The following ARHGAP15 variants were observed in gnomAD, a reference collection of about 807,000 sequenced individuals.
ARHGAP15 encodes the protein rho GTPase-activating protein 15.
A neutral mutation model predicts 63.7 loss-of-function variants in ARHGAP15; 51 were observed. That is an observed-to-expected ratio of 0.80 (90% CI 0.64 to 1.01). The LOEUF (loss-of-function observed/expected upper bound fraction) is 1.01, where lower values mean the gene tolerates loss of function less well. ARHGAP15 is among the 50% of genes least tolerant of loss of function. The probability of loss-of-function intolerance (pLI) is 0.00; values close to 1 mark genes in which losing one functional copy is unlikely to be tolerated. For missense variants in ARHGAP15, 560 were observed against 564.6 expected, an observed-to-expected ratio of 0.99 and a Z score of 0.08; for synonymous variants, 191 against 193.8, an observed-to-expected ratio of 0.99 and a Z score of 0.12.
intron 12 of ARHGAP15, among the ~76,000 whole-genome samples, chr2:143,656,424 G>A (rs1681436793): frequency 6.6e-6 from 1 of 152,156 alleles, no homozygotes; most frequent in African/African-American, 2.4e-5. Flanking sequence ...AATTACTTGT[G>A]CAAAAGTAGA....
At chr2:143,646,428 T>C (rs1680882448) in intron 12 of ARHGAP15, among the ~76,000 whole-genome samples, 4 of 152,092 alleles carry the variant, frequency 2.6e-5, no homozygotes, top group Non-Finnish European at 5.9e-5. Context: ...ACAGACTGTC[T>C]GACGCCTTTA....
chr2:143,716,382 G>T (rs1366698330), intron 13 of ARHGAP15, among the ~76,000 whole-genome samples: 1 of 151,976 alleles, frequency 6.6e-6, no homozygotes, highest in Non-Finnish European at 1.5e-5. Context: ...TTCTTATCTG[G>T]GATTAGTAGC....
At chr2:143,249,905 A>G (rs1164118952) in intron 5 of ARHGAP15, among the ~76,000 whole-genome samples, 1 of 152,112 alleles carries the variant, frequency 6.6e-6, no homozygotes, top group African/African-American at 2.4e-5. Context: ...CTGAAAAGTG[A>G]ATTTCTAAAA....
At chr2:143,322,340 C>A (rs1231674974) in intron 6 of ARHGAP15, among the ~76,000 whole-genome samples, 1 of 152,136 alleles carries the variant, frequency 6.6e-6, no homozygotes, top group Non-Finnish European at 1.5e-5. Flanking sequence ...AATACATTTA[C>A]TATTTAAGGT....
intron 11 of ARHGAP15, among the ~76,000 whole-genome samples, chr2:143,598,912 C>T (rs1374892936): frequency 6.6e-6 from 1 of 150,998 alleles, no homozygotes; most frequent in African/African-American, 2.4e-5. Flanking sequence ...AAGACCTTAT[C>T]TTAAAAAATA....
intron 4 of ARHGAP15, among the ~76,000 whole-genome samples, chr2:143,222,884 C>T (rs1558823578): frequency 1.3e-5 from 2 of 152,102 alleles, no homozygotes; most frequent in African/African-American, 2.4e-5. Flanking sequence ...ATTTAGTTCT[C>T]CCTACTTCCC....
chr2:143,494,063 T>G (rs1276944059), intron 9 of ARHGAP15, among the ~76,000 whole-genome samples: 1 of 152,158 alleles, frequency 6.6e-6, no homozygotes, highest in African/African-American at 2.4e-5. Context: ...GTGGACAGGA[T>G]TTTTAAATTT....
Position 143,436,976 on chromosome 2 carries a change from A to G in ARHGAP15, c.637A>G (p.Thr213Ala), listed in dbSNP as rs375998378. Reference protein sequence around the residue: ...ELFKIQRSSSTELLSHYDSDI... With the variant: ...ELFKIQRSSSAELLSHYDSDI... ...ATTCAAAATCCAAAGATCCTCTAGC[A>G]CTGAATTGCTAAGTCACTACGACAG... is the stretch of plus-strand genomic sequence containing the variant. The change falls in exon 8 of 14, where the codon ACT becomes GCT. Residue 213 changes from threonine (T) to alanine (A), a missense_variant. Coordinates refer to ENST00000295095, the MANE Select transcript of ARHGAP15 (RefSeq NM_018460.4). The G allele has an allele frequency of 1.2e-4, 189 of 1,611,508 alleles. No homozygotes were observed. The Middle Eastern group carries it at 3.3e-3, about 28-fold the overall frequency.
chr2:143,701,891 AAGG>A (rs1390455963), intron 12 of ARHGAP15, among the ~76,000 whole-genome samples: 3 of 152,176 alleles, frequency 2.0e-5, no homozygotes, highest in African/African-American at 7.2e-5. Flanking sequence ...AAGAAACAGA[AAGG>A]AGGAAAGGTA....
intron 6 of ARHGAP15, among the ~76,000 whole-genome samples, chr2:143,294,555 C>T (rs1305687217): frequency 6.6e-6 from 1 of 152,040 alleles, no homozygotes; most frequent in East Asian, 1.9e-4. Flanking sequence ...CATGTGGCTT[C>T]TAAGACCACT....
At chr2:143,390,666 T>C (rs1215566581) in intron 6 of ARHGAP15, among the ~76,000 whole-genome samples, 1 of 151,576 alleles carries the variant, frequency 6.6e-6, no homozygotes, top group Admixed American at 6.6e-5. Context: ...GCTTCCTAGT[T>C]CCAACACAAA....
chr2:143,403,400 C>G (rs2105002405), intron 6 of ARHGAP15, among the ~76,000 whole-genome samples: 1 of 151,890 alleles, frequency 6.6e-6, no homozygotes, highest in African/African-American at 2.4e-5. Flanking sequence ...TATATTTCTT[C>G]TAATTTTCAA....
At chr2:143,291,120 G>A (rs1282521939) in intron 6 of ARHGAP15, among the ~76,000 whole-genome samples, 2 of 152,070 alleles carry the variant, frequency 1.3e-5, no homozygotes, top group Non-Finnish European at 2.9e-5. Flanking sequence ...GCAACAGACT[G>A]TTTCAAACAG....
chr2:143,416,827 C>CA (rs1688705595), intron 6 of ARHGAP15, among the ~76,000 whole-genome samples: 1 of 70,070 alleles, frequency 1.4e-5, no homozygotes, highest in Non-Finnish European at 2.7e-5. Context: ...CACCACCCCC[C>CA]CACCCCCACG....
intron 1 of ARHGAP15, among the ~76,000 whole-genome samples, chr2:143,148,631 C>T (rs1004953079): frequency 2.6e-5 from 4 of 152,164 alleles, no homozygotes; most frequent in African/African-American, 4.8e-5. Flanking sequence ...CTCCAGATTC[C>T]CTGCTATAAG....
chr2:143,624,945 A>C (rs923450895), intron 12 of ARHGAP15, among the ~76,000 whole-genome samples: 1 of 152,068 alleles, frequency 6.6e-6, no homozygotes, highest in Non-Finnish European at 1.5e-5. Flanking sequence ...CTTAAGTAAA[A>C]GTGAATAAAT....
intron 6 of ARHGAP15, among the ~76,000 whole-genome samples, chr2:143,366,084 C>A (rs1274870805): frequency 6.6e-6 from 1 of 152,158 alleles, no homozygotes; most frequent in Non-Finnish European, 1.5e-5. Flanking sequence ...AGCATTTTAT[C>A]AGAAACTCTT....
chr2:143,719,741 A>G (rs1367136330), intron 13 of ARHGAP15, among the ~76,000 whole-genome samples: 2 of 152,160 alleles, frequency 1.3e-5, no homozygotes, highest in Admixed American at 1.3e-4. Flanking sequence ...TTTTCTAACT[A>G]GTGGGAAAAA....
intron 8 of ARHGAP15, among the ~76,000 whole-genome samples, chr2:143,473,179 A>C (rs970805435): frequency 6.6e-6 from 1 of 152,178 alleles, no homozygotes; most frequent in African/African-American, 2.4e-5. Flanking sequence ...ACTCAGAGAA[A>C]TTCTCAGCTG....
Sources: allele counts gnomAD v4.1 joint callset (sites outside exome capture counted in the v4.1 genomes callset), GRCh38; gene constraint gnomAD v4.1.1; transcripts MANE v1.5; gene names NCBI Gene and HGNC (gene_info 2026-07-23, HGNC 2026-07-21).